TPRG1: variants seen among roughly 807,000 people sequenced by gnomAD.
TPRG1 encodes tumor protein p63 regulated 1.
In TPRG1, 29 loss-of-function variants were observed where a neutral mutation model predicts 29.3. That is an observed-to-expected ratio of 0.99 (90% CI 0.74 to 1.35). The LOEUF (loss-of-function observed/expected upper bound fraction) is 1.35, where lower values mean the gene tolerates loss of function less well. Ranked by LOEUF, TPRG1 falls within the 40% of genes most tolerant of loss-of-function variation. TPRG1 has a pLI of 0.00. For synonymous variants in TPRG1, 130 were observed against 116.8 expected (o/e 1.11, Z -0.73); for missense variants, 327 against 335.0 (o/e 0.98, Z 0.19).
intron 2 of TPRG1, among the ~76,000 whole-genome samples, chr3:189,131,335 T>C (rs1723088874): frequency 6.6e-6 from 1 of 152,134 alleles, no homozygotes; most frequent in South Asian, 2.1e-4. Flanking sequence ...ATATAAATAT[T>C]CATGTGTGTA....
intron 4 of TPRG1, among the ~76,000 whole-genome samples, chr3:189,288,997 C>G (rs1192718102): frequency 6.6e-6 from 1 of 152,140 alleles, no homozygotes; most frequent in Non-Finnish European, 1.5e-5. Flanking sequence ...TGTCACTCAC[C>G]GATGTACTGT....
At chr3:189,083,288 G>A (rs1395691724) in intron 4 of TPRG1, among the ~76,000 whole-genome samples, 5 of 152,246 alleles carry the variant, frequency 3.3e-5, no homozygotes, top group South Asian at 4.1e-4. Context: ...ATAGGGATTC[G>A]GCTGCTAATG....
At chr3:189,015,279 A>G (rs1166507364) in intron 3 of TPRG1, among the ~76,000 whole-genome samples, 1 of 152,196 alleles carries the variant, frequency 6.6e-6, no homozygotes, top group Non-Finnish European at 1.5e-5. Flanking sequence ...AGAAATTTCT[A>G]AGCAGTAAAA....
At chr3:189,226,129 C>G (rs1009204470) in intron 3 of TPRG1, among the ~76,000 whole-genome samples, 2 of 152,202 alleles carry the variant, frequency 1.3e-5, no homozygotes, top group Non-Finnish European at 2.9e-5. Context: ...ATTTAGAAAA[C>G]TCAACACCAT....
chr3:189,052,324 AC>A (rs1285621441), intron 4 of TPRG1, among the ~76,000 whole-genome samples: 3 of 151,972 alleles, frequency 2.0e-5, no homozygotes, highest in African/African-American at 4.9e-5. Flanking sequence ...CAAATAGCCA[AC>A]AAACATATGA....
intron 1 of TPRG1, among the ~76,000 whole-genome samples, chr3:189,175,132 A>G (rs762368481): frequency 1.3e-5 from 2 of 152,334 alleles, no homozygotes; most frequent in East Asian, 3.9e-4. Context: ...ACAAGTAACT[A>G]TAATGCAAGA....
In TPRG1 at chr3:189,248,412, C is replaced by A. The variant is rs559025798; in HGVS notation, c.479+9503C>A. Among the ~76,000 whole-genome samples, 6 of 151,698 alleles carry A rather than the reference C, an allele frequency of 4.0e-5. No homozygotes were observed. In the East Asian group the frequency reaches 1.2e-3, roughly 29 times the overall value. ...TTTGATAGATTTTAAAGTACCACTT[C>A]TTTTGGGTTTACTTGTTCACAATAG... On this transcript the variant is annotated intron_variant, in intron 4 of 5. Transcript: ENST00000345063.
At chr3:189,219,663 G>C (rs961630254) in intron 3 of TPRG1, 90 of 1,285,024 alleles carry the variant, frequency 7.0e-5, no homozygotes, top group Non-Finnish European at 8.5e-5. Context: ...CTCTTCAGCA[G>C]AATGTACTTG....
chr3:189,176,638 T>A (rs1729526636), intron 1 of TPRG1, among the ~76,000 whole-genome samples: 1 of 152,176 alleles, frequency 6.6e-6, no homozygotes. Flanking sequence ...AGGCATTATT[T>A]GGGTAAAGGA....
At chr3:189,120,304 C>A (rs1257616821) in intron 1 of TPRG1, 3 of 152,124 alleles carry the variant, frequency 2.0e-5, no homozygotes, top group Non-Finnish European at 4.4e-5. Context: ...ATTTTCTAAA[C>A]TTTAAGAAAA....
intron 4 of TPRG1, among the ~76,000 whole-genome samples, chr3:189,066,411 A>G (rs1716451551): frequency 6.6e-6 from 1 of 152,166 alleles, no homozygotes; most frequent in East Asian, 1.9e-4. Context: ...TTGAGCAGAA[A>G]TTCTTAATAT....
At chr3:189,024,833 G>A (rs1470311374) in intron 4 of TPRG1, among the ~76,000 whole-genome samples, 1 of 152,238 alleles carries the variant, frequency 6.6e-6, no homozygotes, top group Non-Finnish European at 1.5e-5. Context: ...TCTGTGCTGT[G>A]TTTGGGGATC....
At chr3:189,048,501 T>C (rs1022823666) in intron 4 of TPRG1, among the ~76,000 whole-genome samples, 2 of 152,176 alleles carry the variant, frequency 1.3e-5, no homozygotes, top group Admixed American at 1.3e-4. Context: ...CCTAAAAAGA[T>C]GAGTCAGCCT....
rs533444948 is a variant in TPRG1 at position 189,026,891 on chromosome 3, G to T, written c.-463+2945G>T. On this transcript the variant is annotated intron_variant, in intron 4 of 10. Coordinates refer to the TPRG1 transcript ENST00000433971. ...AGGCAACATGGCGTGTTTGTTGAGA[G>T]CATTGACTCCACACCCAGGCTGTCA... Among the ~76,000 whole-genome samples, 5 of 152,272 alleles carry T rather than the reference G, an allele frequency of 3.3e-5. No homozygotes were observed. In the South Asian group the frequency reaches 1.0e-3, roughly 32 times the overall value.
At chr3:189,253,145 A>G (rs1742545766) in intron 4 of TPRG1, among the ~76,000 whole-genome samples, 1 of 152,134 alleles carries the variant, frequency 6.6e-6, no homozygotes, top group African/African-American at 2.4e-5. Flanking sequence ...TGCTGCATCC[A>G]TCAACCCATC....
chr3:189,216,750 A>C (rs183294680), intron 3 of TPRG1, among the ~76,000 whole-genome samples: 1 of 152,220 alleles, frequency 6.6e-6, no homozygotes, highest in Admixed American at 6.5e-5. Flanking sequence ...TAATGAAAAG[A>C]AAACTCTGCA....
intron 5 of TPRG1, chr3:189,313,184 T>G (rs1040008506): frequency 3.9e-5 from 6 of 152,192 alleles, no homozygotes; most frequent in Non-Finnish European, 8.8e-5. Context: ...GATGAGTACT[T>G]TGATCCAGGT....
intron 2 of TPRG1, among the ~76,000 whole-genome samples, chr3:189,214,428 T>G (rs994662110): frequency 3.9e-5 from 6 of 151,958 alleles, no homozygotes; most frequent in Non-Finnish European, 8.8e-5. Flanking sequence ...AGAGTGGAGG[T>G]TGAGTGTAGG....
intron 2 of TPRG1, among the ~76,000 whole-genome samples, chr3:189,213,989 A>T (rs904596188): frequency 6.6e-6 from 1 of 152,176 alleles, no homozygotes; most frequent in Non-Finnish European, 1.5e-5. Flanking sequence ...GGCTGCAAAG[A>T]ACACTTTATA....
Sources: gnomAD v4.1 joint callset for allele counts (sites outside exome capture counted in the v4.1 genomes callset) on GRCh38, gnomAD v4.1.1 for gene constraint, MANE v1.5 for transcripts, NCBI Gene and HGNC (gene_info 2026-07-23, HGNC 2026-07-21) for gene names.